ARHGAP40: variants seen among roughly 807,000 people sequenced by gnomAD.
ARHGAP40 encodes the protein Rho GTPase activating protein 40.
Under a neutral mutation model 73.5 loss-of-function variants are expected in ARHGAP40, and 43 were observed. The observed-to-expected ratio is 0.58, with a 90% CI of 0.46 to 0.75. ARHGAP40 has a LOEUF of 0.75. Ranked by LOEUF, ARHGAP40 falls within the 30% of genes least tolerant of loss-of-function variation. The probability of loss-of-function intolerance (pLI) is 0.00; values close to 1 mark genes in which losing one functional copy is unlikely to be tolerated. For missense variants in ARHGAP40, 734 were observed against 861.8 expected (o/e 0.85, Z 1.86); for synonymous variants, 300 against 352.8 (o/e 0.85, Z 1.68).
chr20:38,640,549 A>T (rs1435719049), intron 9 of ARHGAP40, among the ~76,000 whole-genome samples: 2 of 151,834 alleles, frequency 1.3e-5, no homozygotes, highest in African/African-American at 2.4e-5. Flanking sequence ...CATAAATCAG[A>T]TTCCTTCCCT....
chr20:38,650,055 C>A, exon 15 of ARHGAP40: 1 of 367,042 alleles, frequency 2.7e-6, no homozygotes. Context: ...GGGGCTAGGG[C>A]CTCAGGGAGG....
rs2089050059 is a variant in ARHGAP40, at chr20:38,646,013, A to G, written c.1570-34A>G. 3.1e-6 allele frequency: 4 copies of G among 1,280,584 alleles called. No individual in the cohort carries two copies. Among genetic ancestry groups the G allele is most frequent in the Non-Finnish European group, 4.1e-6 (4 of 974,184 alleles). The allele number at this position is 1,280,584 out of a possible 1,614,324, so 79.3% of individuals were successfully genotyped here. The stretch of plus-strand genomic sequence containing the variant: ...TCTGCCTCTCGCCCCCAGAAGTCCT[A>G]TCCCCCTGCCAAAACTTGATCCTTT... On this transcript the variant is annotated intron_variant, in intron 11 of 14. Transcript: ENST00000373345. This position sits in a 1 kb window ranked among gnomAD's most constrained non-coding sequence, Gnocchi z 4.5.
chr20:38,639,564 A>T (rs114342931), intron 9 of ARHGAP40, among the ~76,000 whole-genome samples, 178 bp downstream of exon 9: 2,076 of 152,362 alleles, frequency 0.014, 51 homozygotes, highest in African/African-American at 0.048. Context: ...GTGTGCACAT[A>T]CACATGTGCA....
intron 6 of ARHGAP40, among the ~76,000 whole-genome samples, chr20:38,635,470 C>T (rs1425331629): frequency 6.6e-6 from 1 of 151,980 alleles, no homozygotes; most frequent in East Asian, 1.9e-4. Flanking sequence ...TTGAGACCAG[C>T]ATGGGTGACA....
chr20:38,610,706 T>C (rs2088799373), intron 1 of ARHGAP40, among the ~76,000 whole-genome samples: 1 of 152,136 alleles, frequency 6.6e-6, no homozygotes, highest in African/African-American at 2.4e-5. Flanking sequence ...TCTAAAAATT[T>C]GGAGTCAGCA....
At chr20:38,632,895 G>A (rs1449796184) in intron 5 of ARHGAP40, among the ~76,000 whole-genome samples, 1 of 152,124 alleles carries the variant, frequency 6.6e-6, no homozygotes, top group African/African-American at 2.4e-5. Flanking sequence ...GGCCGAGGCA[G>A]GCAGATCACT....
intron 1 of ARHGAP40, among the ~76,000 whole-genome samples, chr20:38,606,675 A>G (rs1367353809): frequency 6.6e-6 from 1 of 152,176 alleles, no homozygotes; most frequent in African/African-American, 2.4e-5. Context: ...GATTTCCTTA[A>G]TCAATAATGG....
intron 3 of ARHGAP40, 118 bp from the exon 4 acceptor site, chr20:38,628,809 T>A (rs957686869): frequency 1.5e-6 from 1 of 679,550 alleles, no homozygotes; most frequent in Non-Finnish European, 2.2e-6. Context: ...TCAGCCTCTC[T>A]GGGCTTCAGT....
chr20:38,643,591 A>G, intron 10 of ARHGAP40, 113 bp from the exon 11 acceptor site: 1 of 871,872 alleles, frequency 1.1e-6, no homozygotes, highest in Admixed American at 2.8e-5. Flanking sequence ...CTGCCCTCCC[A>G]GCTCCTGGCT....
exon 3 of ARHGAP40, chr20:38,627,023 G>A (rs2088901950): frequency 7.7e-7 from 1 of 1,304,628 alleles, no homozygotes; most frequent in Admixed American, 2.3e-5. Context: ...AGTGGCTGCA[G>A]GACACAGGCC....
At chr20:38,640,382 T>C (rs1169598332) in intron 9 of ARHGAP40, among the ~76,000 whole-genome samples, 2 of 151,826 alleles carry the variant, frequency 1.3e-5, no homozygotes, top group Non-Finnish European at 2.9e-5. Flanking sequence ...ACGCCTGGCA[T>C]ACTTGTTTAA....
intron 4 of ARHGAP40, 85 bp from the exon 5 acceptor site, chr20:38,629,417 A>C: frequency 8.0e-7 from 1 of 1,255,720 alleles, no homozygotes. Context: ...CTTAGGACTA[A>C]GGGCCTAAGT....
exon 4 of ARHGAP40, chr20:38,628,967 C>G: frequency 1.5e-6 from 2 of 1,304,988 alleles, no homozygotes; most frequent in South Asian, 1.2e-5. Context: ...ATGAAGGGGG[C>G]CCAGCTCAGT....
chr20:38,645,300 C>G (rs944610534), intron 11 of ARHGAP40, among the ~76,000 whole-genome samples: 1 of 152,168 alleles, frequency 6.6e-6, no homozygotes, highest in Admixed American at 6.5e-5. Context: ...CTGCACTCAG[C>G]CCTTTGAGAT....
At chr20:38,639,118 C>T (rs1297207133) in intron 8 of ARHGAP40, 109 bp from the exon 9 acceptor site, 10 of 1,153,542 alleles carry the variant, frequency 8.7e-6, no homozygotes, top group Middle Eastern at 2.4e-4. Context: ...GGGAGGTGCT[C>T]TTGTTGTCCC....
At chr20:38,617,442 C>T (rs192545711) in intron 1 of ARHGAP40, among the ~76,000 whole-genome samples, 1 of 152,296 alleles carries the variant, frequency 6.6e-6, no homozygotes, top group East Asian at 1.9e-4. Flanking sequence ...CCTTCTCTAC[C>T]CCTGTCTTCC....
At chr20:38,618,256 C>A (rs146493492) in intron 1 of ARHGAP40, among the ~76,000 whole-genome samples, 31 of 152,038 alleles carry the variant, frequency 2.0e-4, no homozygotes, top group Admixed American at 2.0e-3. Context: ...CCCGCCACCA[C>A]GCCCATTAAT....
chr20:38,628,906 C>T (rs982185969), intron 3 of ARHGAP40, 21 bp from the exon 4 acceptor site: 23 of 1,298,586 alleles, frequency 1.8e-5, no homozygotes, highest in Middle Eastern at 4.3e-4. Flanking sequence ...AGTAATTGGG[C>T]ACTGTCTGTA....
At chr20:38,614,416 C>T (rs2088822481) in intron 1 of ARHGAP40, among the ~76,000 whole-genome samples, 1 of 152,050 alleles carries the variant, frequency 6.6e-6, no homozygotes, top group African/African-American at 2.4e-5. Context: ...AGAGCATAAG[C>T]ACTGGTCAGC....
Sources: gnomAD v4.1 joint callset for allele counts (sites outside exome capture counted in the v4.1 genomes callset) on GRCh38, gnomAD v4.1.1 for gene constraint, Gnocchi (gnomAD v3.1) non-coding constraint, MANE v1.5 for transcripts, NCBI Gene and HGNC (gene_info 2026-07-23, HGNC 2026-07-21) for gene names.